IL17D: variants seen among roughly 807,000 people sequenced by gnomAD.
The protein encoded by IL17D is interleukin 17D.
Under a neutral mutation model 5.7 loss-of-function variants are expected in IL17D, and 10 were observed. That is an observed-to-expected ratio of 1.75 (90% CI 1.08 to 2.97). IL17D has a LOEUF of 2.97. Ranked by LOEUF, IL17D falls within the 30% of genes most tolerant of loss-of-function variation. The pLI is 0.00. For synonymous variants in IL17D, 172 were observed against 141.7 expected (o/e 1.21, Z -1.52); for missense variants, 354 against 292.7 (o/e 1.21, Z -1.53).
intron 1 of IL17D, among the ~76,000 whole-genome samples, chr13:20,718,511 G>A (rs1225294662): frequency 2.3e-5 from 1 of 43,278 alleles, no homozygotes; most frequent in Admixed American, 2.3e-4. Context: ...CCCACACTCA[G>A]ACACACTTAC....
intron 1 of IL17D, among the ~76,000 whole-genome samples, chr13:20,720,202 G>C (rs755326673): frequency 6.6e-6 from 1 of 152,046 alleles, no homozygotes; most frequent in African/African-American, 2.4e-5. Flanking sequence ...GCTCTCCTCT[G>C]CCTCTATTTG....
intron 1 of IL17D, among the ~76,000 whole-genome samples, chr13:20,719,919 A>C (rs576794312): frequency 6.6e-6 from 1 of 151,700 alleles, no homozygotes; most frequent in South Asian, 2.1e-4. Flanking sequence ...CAGCCAGGAC[A>C]CCCCCGGCTT....
At position 20,721,666 on chromosome 13, in the gene IL17D, G is replaced by C. The variant is rs1463123456; in HGVS notation, c.321G>C (p.Arg107Ser). The change falls in exon 2 of 2, where the codon AGG (arginine) becomes AGC (serine). Residue 107 changes from arginine to serine, a missense_variant. Transcript: ENST00000682841. ...CCTACGACCCGGCGAGGTACCCCAG[G>C]TACCTGCCTGAAGCCTACTGCCTGT... ...RISYDPARYP[R>S]YLPEAYCLCR... 1.2e-6 allele frequency: 2 copies of C among 1,607,278 alleles called. No homozygotes were observed. The highest frequency in any genetic ancestry group is 1.7e-6 in the Non-Finnish European group (2 of 1,176,306).
At chr13:20,718,802 G>A (rs560120252) in intron 1 of IL17D, among the ~76,000 whole-genome samples, 12 of 116,186 alleles carry the variant, frequency 1.0e-4, no homozygotes, top group African/African-American at 4.1e-4. Context: ...ACCTGCCCAC[G>A]CTCACCCCTG....
At chr13:20,705,598 T>G (rs1203857914) in intron 1 of IL17D, among the ~76,000 whole-genome samples, 1 of 152,046 alleles carries the variant, frequency 6.6e-6, no homozygotes, top group Non-Finnish European at 1.5e-5. Context: ...TCCAGAGGCT[T>G]AAGTGGGAGG....
At chr13:20,712,672 C>CT (rs2058648711) in intron 1 of IL17D, 1 of 138,968 alleles carries the variant, frequency 7.2e-6, no homozygotes. Context: ...TGTGCCGACG[C>CT]TAAAAAAAAA....
At chr13:20,703,288 G>A, upstream of IL17D, 1 of 986,468 alleles carries the variant, frequency 1.0e-6, no homozygotes, top group Non-Finnish European at 1.2e-6. Context: ...GAATCTGAAA[G>A]CGCTTTCGGG....
chr13:20,701,596 C>T (rs2058548528), upstream of IL17D: 1 of 152,170 alleles, frequency 6.6e-6, no homozygotes, highest in South Asian at 2.1e-4. Flanking sequence ...TCAAATGAAG[C>T]TTGCGTGGCC....
intron 1 of IL17D, chr13:20,714,241 T>C (rs1170331431): frequency 6.6e-6 from 1 of 152,254 alleles, no homozygotes; most frequent in Admixed American, 6.5e-5. Context: ...TTCCAAAACA[T>C]TAGTCTTTCT....
chr13:20,704,070 G>GCGCCCCGCGCGGC lies in IL17D; in HGVS notation c.73_85dup (p.Arg29ProfsTer40). 9.1e-7 allele frequency: 1 copy of GCGCCCCGCGCGGC among 1,102,330 alleles called. No homozygotes were observed. Among genetic ancestry groups the GCGCCCCGCGCGGC allele is most frequent in the Non-Finnish European group, 1.1e-6 (1 of 910,172 alleles). 68.3% of individuals were successfully genotyped at this position (1,102,330 alleles called of 1,614,324 possible). On this transcript the variant is annotated frameshift_variant, in exon 1 of 2. Transcript: ENST00000682841. LOFTEE classifies it high-confidence loss of function. Reference sequence around the variant, plus strand: ...CCGCGGGCGCCCCGAGGGCGGGCAGGCGCCCCGCGCGGCCGCGGGGCTGCG... The same window carrying GCGCCCCGCGCGGC: ...CCGCGGGCGCCCCGAGGGCGGGCAGGCGCCCCGCGCGGCCGCCCCGCGCGGCCGCGGGGCTGCG...
At chr13:20,715,226 C>G (rs1189040923) in intron 1 of IL17D, among the ~76,000 whole-genome samples, 2 of 151,766 alleles carry the variant, frequency 1.3e-5, no homozygotes, top group African/African-American at 4.8e-5. Context: ...GACCAGCCCC[C>G]CGCTCCACTC....
In IL17D at chr13:20,704,289, C is replaced by T. The variant is rs1254533979; in HGVS notation, c.288C>T (p.Tyr96=). 5.0e-5 allele frequency: 61 copies of T among 1,216,594 alleles called. No homozygotes were observed. Among genetic ancestry groups the T allele is most frequent in the Non-Finnish European group, 6.0e-5 (59 of 980,910 alleles). The allele number at this position is 1,216,594 out of a possible 1,614,324, so 75.4% of individuals were successfully genotyped here. The change falls in exon 1 of 2, where the codon TAC becomes TAT. Residue 96 remains tyrosine, a splice_region_variant and synonymous_variant. Transcript: ENST00000682841. ...TNLRSVSPWA[Y]RISYDPARYP... The stretch of plus-strand genomic sequence containing the variant: ...TGCGCAGCGTGTCGCCCTGGGCCTA[C>T]AGGTGAGCCGCGGGCGCGTCCTGGC...
chr13:20,707,410 C>T (rs961865841), intron 1 of IL17D, among the ~76,000 whole-genome samples: 39 of 140,070 alleles, frequency 2.8e-4, no homozygotes, highest in African/African-American at 9.6e-4. Context: ...CTCTGCACTC[C>T]GGCCTGGGCA....
At chr13:20,712,185 TTCTC>T (rs2058643555) in intron 1 of IL17D, among the ~76,000 whole-genome samples, 1 of 152,258 alleles carries the variant, frequency 6.6e-6, no homozygotes, top group South Asian at 2.1e-4. Context: ...TCGCATCACT[TTCTC>T]TCCATCAAAT....
intron 1 of IL17D, among the ~76,000 whole-genome samples, chr13:20,709,840 C>CT (rs1180334986): frequency 1.3e-5 from 2 of 152,172 alleles, no homozygotes; most frequent in Non-Finnish European, 2.9e-5. Context: ...AAACAACAGC[C>CT]TGGGACATAC....
At chr13:20,718,689 T>A (rs1169808666) in intron 1 of IL17D, among the ~76,000 whole-genome samples, 1 of 74,298 alleles carries the variant, frequency 1.3e-5, no homozygotes. Context: ...CCTGCCCACT[T>A]ACACGCCCAC....
At position 20,703,877 on chromosome 13, in the gene IL17D, G is replaced by T; in HGVS notation, c.-125G>T. ...GCTCCCATCCTCCGGGCCGGCCTCT[G>T]GCTCCGCGGGGCGAGGGGAGGCGCC... On this transcript the variant is annotated 5_prime_UTR_variant, in exon 1 of 2. Transcript: ENST00000682841. 2.9e-6 allele frequency: 1 copy of T among 341,682 alleles called. No homozygotes were observed. The highest frequency in any genetic ancestry group is 4.1e-6 in the Non-Finnish European group (1 of 244,414). The allele number at this position is 341,682 out of a possible 1,614,324, so 21.2% of individuals were successfully genotyped here.
rs1227223374 is a variant in IL17D, at chr13:20,722,639, G to T, written c.*685G>T. On this transcript the variant is annotated 3_prime_UTR_variant, in exon 2 of 2. Coordinates refer to ENST00000682841, the MANE Select transcript of IL17D (RefSeq NM_001385224.1). ...TGACCCACTCTTCCTTCCACTGAAG[G>T]TCTTCACGGGCCTCCAGGTGGACCA... 6.6e-6 allele frequency: 1 copy of T among 152,204 alleles called. No individual in the cohort carries two copies. Among genetic ancestry groups the T allele is most frequent in the Admixed American group, 6.5e-5 (1 of 15,270 alleles). The allele number at this position is 152,204 out of a possible 1,614,324, so 9.4% of individuals were successfully genotyped here.
rs752371745 is a variant in IL17D, at chr13:20,721,658, T to C, written c.313T>C (p.Tyr105His). The stretch of plus-strand genomic sequence containing the variant: ...CAGAATCTCCTACGACCCGGCGAGG[T>C]ACCCCAGGTACCTGCCTGAAGCCTA... ...AYRISYDPAR[Y>H]PRYLPEAYCL... Residue 105 changes from tyrosine (Y) to histidine (H), a missense_variant, in exon 2 of 2, where the codon TAC becomes CAC. Coordinates refer to ENST00000682841, the MANE Select transcript of IL17D (RefSeq NM_001385224.1). 4.5e-5 allele frequency: 72 copies of C among 1,602,448 alleles called. No homozygotes were observed. Among genetic ancestry groups the C allele is most frequent in the Non-Finnish European group, 6.1e-5 (71 of 1,173,036 alleles).
Sources: allele counts gnomAD v4.1 joint callset (sites outside exome capture counted in the v4.1 genomes callset), GRCh38; gene constraint gnomAD v4.1.1; transcripts MANE v1.5; gene names NCBI Gene and HGNC (gene_info 2026-07-23, HGNC 2026-07-21).